Variants in FRY observed in about 807,000 individuals in gnomAD.
The protein encoded by FRY is FRY microtubule binding protein.
FRY carries 128 observed loss-of-function variants against 348.4 expected under a neutral mutation model. The ratio of observed to expected loss-of-function variants is 0.37; its 90% confidence interval spans 0.32 to 0.43. The LOEUF (loss-of-function observed/expected upper bound fraction) is 0.43. FRY is among the 20% of genes least tolerant of loss of function. FRY has a pLI of 1.00. For synonymous variants in FRY, 1,370 were observed against 1,374.7 expected, an observed-to-expected ratio of 1.00 and a Z score of 0.08; for missense variants, 2,736 against 3,695.2, an observed-to-expected ratio of 0.74 and a Z score of 6.73.
intron 47 of FRY, among the ~76,000 whole-genome samples, chr13:32,246,565 G>A (rs538546413): frequency 1.3e-5 from 2 of 152,326 alleles, no homozygotes; most frequent in African/African-American, 4.8e-5. Context: ...AAAGAGTGTG[G>A]ACTCCACCCT....
At chr13:32,265,268 C>T (rs1887857368) in intron 53 of FRY, among the ~76,000 whole-genome samples, 182 bp from the exon 54 acceptor site, 1 of 152,182 alleles carries the variant, frequency 6.6e-6, no homozygotes, top group African/African-American at 2.4e-5. Context: ...AAAGAATGAA[C>T]AGTACTTCAG....
Position 32,239,104 on chromosome 13 carries a change from C to T in FRY, c.6419-148C>T. ...GGTGCAATTGTGGTTGTGCATTTTT[C>T]ATAGATTTTGTGTTAGATCATGTTT... On this transcript the variant is annotated intron_variant, in intron 44 of 60. Coordinates refer to ENST00000542859, the MANE Select transcript of FRY (RefSeq NM_023037.3). The surrounding 1 kb of genome is among the most constrained non-coding windows in gnomAD (Gnocchi z 4.3). The T allele has an allele frequency of 4.4e-6, 3 of 680,166 alleles. No individual in the cohort carries two copies. Among genetic ancestry groups the T allele is most frequent in the Admixed American group, 4.2e-5 (2 of 48,124 alleles). 42.1% of individuals were successfully genotyped at this position (680,166 alleles called of 1,614,324 possible).
intron 17 of FRY, among the ~76,000 whole-genome samples, chr13:32,165,437 A>G (rs557960787): frequency 5.4e-4 from 83 of 152,320 alleles, no homozygotes; most frequent in African/African-American, 1.9e-3. Context: ...AGTTCGAACC[A>G]CTGTAGATAG....
intron 1 of FRY, chr13:32,038,490 A>G (rs1377522484): frequency 6.6e-6 from 1 of 152,210 alleles, no homozygotes; most frequent in Non-Finnish European, 1.5e-5. Flanking sequence ...AAGATTTAGC[A>G]AGTAACCAGT....
At chr13:32,243,567 CTGAG>C (rs1258038016) in intron 46 of FRY, among the ~76,000 whole-genome samples, 5 of 152,154 alleles carry the variant, frequency 3.3e-5, no homozygotes. Context: ...CCCATCAATA[CTGAG>C]TATTATCAAT....
intron 7 of FRY, among the ~76,000 whole-genome samples, chr13:32,126,407 C>T (rs17077100): frequency 0.1 from 15,850 of 152,222 alleles, 914 homozygotes; most frequent in African/African-American, 0.13. Flanking sequence ...CATAACTGAG[C>T]AATATTCTAA....
intron 2 of FRY, among the ~76,000 whole-genome samples, chr13:32,096,593 C>T (rs1203485601): frequency 6.6e-6 from 1 of 151,996 alleles, no homozygotes; most frequent in African/African-American, 2.4e-5. Context: ...GGGTTTGAGA[C>T]CAGCCAGGCC....
intron 18 of FRY, among the ~76,000 whole-genome samples, chr13:32,171,817 A>G (rs1882088365): frequency 1.6e-5 from 1 of 61,616 alleles, no homozygotes; most frequent in Non-Finnish European, 3.6e-5. Flanking sequence ...GGGAATAGAA[A>G]TTGGTTTTTT....
At chr13:32,259,630 G>T (rs1234853170) in intron 51 of FRY, among the ~76,000 whole-genome samples, 1 of 152,198 alleles carries the variant, frequency 6.6e-6, no homozygotes, top group Non-Finnish European at 1.5e-5. Flanking sequence ...AAGAGAGTCA[G>T]TTTTTTGAAT....
intron 17 of FRY, among the ~76,000 whole-genome samples, chr13:32,169,015 G>T (rs1881905280): frequency 6.6e-6 from 1 of 152,156 alleles, no homozygotes. Context: ...AACCACTCTG[G>T]GCGACAATGT....
intron 35 of FRY, among the ~76,000 whole-genome samples, chr13:32,215,770 A>C (rs948777712): frequency 6.6e-6 from 1 of 152,074 alleles, no homozygotes; most frequent in Non-Finnish European, 1.5e-5. Context: ...GAGTTTCACT[A>C]TGTTGCCCAG....
chr13:32,258,479 G>A (rs1245613044), intron 51 of FRY, among the ~76,000 whole-genome samples: 1 of 152,132 alleles, frequency 6.6e-6, no homozygotes, highest in African/African-American at 2.4e-5. Flanking sequence ...CATGCCTGGA[G>A]GTGCACGCCT....
chr13:32,155,077 C>T (rs999270366), intron 14 of FRY, among the ~76,000 whole-genome samples: 1 of 152,098 alleles, frequency 6.6e-6, no homozygotes, highest in Non-Finnish European at 1.5e-5. Context: ...CCATTTGGAA[C>T]CCTGGGTGTT....
rs1883873044 is a variant in FRY, at chr13:32,199,423, C to T, written c.3747-2518C>T. On this transcript the variant is annotated intron_variant, in intron 29 of 60. Transcript: ENST00000542859. The stretch of plus-strand genomic sequence containing the variant: ...TTCAGTGAAAAAGCAGATCATCAAG[C>T]AGTACAGACAGGTGGTGTAATCACA... Among the ~76,000 whole-genome samples, 3 of 152,188 alleles carry T rather than the reference C, an allele frequency of 2.0e-5. No homozygotes were observed. The South Asian group carries it at 6.2e-4, about 31-fold the overall frequency.
chr13:32,240,885 T>C (rs1304928329), intron 46 of FRY, among the ~76,000 whole-genome samples: 2 of 152,220 alleles, frequency 1.3e-5, no homozygotes, highest in African/African-American at 4.8e-5. Flanking sequence ...TCCACAAGCC[T>C]GAAAGCATCT....
At chr13:32,200,094 C>T (rs976730952) in intron 29 of FRY, among the ~76,000 whole-genome samples, 3 of 152,114 alleles carry the variant, frequency 2.0e-5, no homozygotes, top group Non-Finnish European at 2.9e-5. Flanking sequence ...TGGCCCCACT[C>T]CTATGATATG....
At position 32,031,871 on chromosome 13, in the gene FRY, TA is replaced by T; in HGVS notation, c.70+8del. The T allele has an allele frequency of 6.9e-7, 1 of 1,439,598 alleles. No individual in the cohort carries two copies. Among genetic ancestry groups the T allele is most frequent in the Non-Finnish European group, 9.8e-7 (1 of 1,022,334 alleles). The allele number at this position is 1,439,598 out of a possible 1,614,324, so 89.2% of individuals were successfully genotyped here. A position where few individuals can be genotyped will look rare whatever the true frequency, so the allele number is the denominator to read the frequency against. ...ACTGAAATCCTGGAGTAATAGTGAG[TA>T]ATAGAAAATAACCTTTTTGTTTGTT... On this transcript the variant is annotated splice_region_variant and intron_variant, in intron 1 of 60. Coordinates refer to ENST00000542859, the MANE Select transcript of FRY (RefSeq NM_023037.3).
intron 58 of FRY, among the ~76,000 whole-genome samples, chr13:32,288,134 T>C (rs913941793): frequency 4.6e-5 from 7 of 152,268 alleles, no homozygotes; most frequent in Non-Finnish European, 1.5e-5. Context: ...TACCATGATT[T>C]GGCACTTAGG....
rs12428144 is a variant in FRY, at chr13:32,101,959, C to A, written c.271-4C>A. On this transcript the variant is annotated splice_region_variant and splice_polypyrimidine_tract_variant and intron_variant, in intron 2 of 60. Coordinates refer to ENST00000542859, the MANE Select transcript of FRY (RefSeq NM_023037.3). ...ATTCTTGCATATATTCTTTTTCTTTCTAGGAAAAGCCATTGACAAAATCTC... is the reference window on the plus strand; with the variant it reads ...ATTCTTGCATATATTCTTTTTCTTTATAGGAAAAGCCATTGACAAAATCTC... The A allele has an allele frequency of 2.1e-6, 3 of 1,451,916 alleles. No homozygotes were observed. Among genetic ancestry groups the A allele is most frequent in the Non-Finnish European group, 2.9e-6 (3 of 1,032,550 alleles). The allele number at this position is 1,451,916 out of a possible 1,614,324, so 89.9% of individuals were successfully genotyped here. A position where few individuals can be genotyped will look rare whatever the true frequency, so the allele number is the denominator to read the frequency against.
Sources: allele counts gnomAD v4.1 joint callset (sites outside exome capture counted in the v4.1 genomes callset), GRCh38; gene constraint gnomAD v4.1.1; non-coding constraint Gnocchi (gnomAD v3.1); transcripts MANE v1.5; gene names NCBI Gene and HGNC (gene_info 2026-07-23, HGNC 2026-07-21).